POLG: variants seen among roughly 807,000 people sequenced by gnomAD.
POLG encodes the protein DNA polymerase gamma, catalytic subunit, also known as DNA polymerase subunit gamma-1.
A neutral mutation model predicts 155.4 loss-of-function variants in POLG; 110 were observed. The observed-to-expected ratio is 0.71, with a 90% CI of 0.61 to 0.83. The LOEUF is 0.83. POLG is among the 40% of genes least tolerant of loss of function. The pLI is 0.00. For missense variants in POLG, 1,685 were observed against 1,627.5 expected (o/e 1.04, Z -0.61); for synonymous variants, 701 against 631.5 (o/e 1.11, Z -1.65).
rs2152062371 is a variant in POLG, at chr15:89,322,791, C to T, written c.2377G>A (p.Glu793Lys). The T allele has an allele frequency of 1.9e-6, 3 of 1,614,180 alleles. No homozygotes were observed. The highest frequency in any genetic ancestry group is 2.5e-6 in the Non-Finnish European group (3 of 1,180,026). The change falls in exon 14 of 23, where the codon GAA becomes AAA. Residue 793 changes from glutamate (E) to lysine (K), a missense_variant. Physicochemically the swap from Glu to Lys is moderately conservative, Grantham distance 56 (BLOSUM62 1). Around this residue, in one of 3 missense-constraint regions of POLG, gnomAD observed 1,210 missense variants for 1,167.1 expected, o/e 1.04. Coordinates refer to ENST00000268124, the MANE Select transcript of POLG (RefSeq NM_002693.3). ...PGGASGPRAL[E>K]INKMISFWRN... is the part of the protein sequence containing the mutation. ...CAGAAAGAAATCATTTTGTTGATTT[C>T]CAGAGCACGGGGCCCACTGGCACCT...
rs1307501798 is a variant in POLG at position 89,327,190 on chromosome 15, G to A, written c.1410C>T (p.Ala470=). 1.2e-6 allele frequency: 2 copies of A among 1,614,234 alleles called. No individual in the cohort carries two copies. Among genetic ancestry groups the A allele is most frequent in the Admixed American group, 1.7e-5 (1 of 60,024 alleles). The change falls in exon 7 of 23, where the codon GCC becomes GCT. Residue 470 remains alanine (A), a synonymous_variant. Transcript: ENST00000268124. ...ACCTCTCTCCTGAGAGCAGCTGGCA[G>A]GCATCATTGGCCAGATCCATCAACG... ...KKSLMDLAND[A]CQLLSGERYK... is the part of the protein sequence containing the mutation.
intron 10 of POLG, among the ~76,000 whole-genome samples, chr15:89,324,494 A>G (rs538627282): frequency 1.1e-4 from 16 of 152,344 alleles, no homozygotes; most frequent in Admixed American, 6.5e-4. Context: ...TCTCAAGAGA[A>G]GTTCTGAGAG....
intron 13 of POLG, 81 bp downstream of exon 13, chr15:89,323,323 G>A (rs1339700772): frequency 2.4e-6 from 2 of 847,698 alleles, no homozygotes; most frequent in Non-Finnish European, 4.0e-6. Flanking sequence ...GAAAGTCTCA[G>A]GTGTGTCACT....
In POLG at chr15:89,320,832, C is replaced by G; in HGVS notation, c.2915G>C (p.Arg972Pro). 1 of 1,613,940 alleles carries G rather than the reference C, an allele frequency of 6.2e-7. No homozygotes were observed. Among genetic ancestry groups the G allele is most frequent in the Non-Finnish European group, 8.5e-7 (1 of 1,180,006 alleles). ...AERLLMQFNHRLTQQEAAEKA... is the reference protein window; with the variant it reads ...AERLLMQFNHPLTQQEAAEKA... The stretch of plus-strand genomic sequence containing the variant: ...CTCAGCTGCCTCCTGCTGTGTGAGC[C>G]GGTGGTTAAACTGCATTAGTAAGCG... The change falls in exon 18 of 23, where the codon CGG (arginine) becomes CCG (proline). Residue 972 changes from arginine (R) to proline (P), a missense_variant. Arg to Pro is a moderately radical substitution (Grantham distance 103). Transcript: ENST00000268124.
chr15:89,323,564 A>G, intron 12 of POLG, 53 bp from the exon 13 acceptor site: 1 of 1,181,516 alleles, frequency 8.5e-7, no homozygotes, highest in South Asian at 1.2e-5. Flanking sequence ...TGCATTCAGC[A>G]AGGGCCATGG....
At position 89,328,463 on chromosome 15, in the gene POLG, A is replaced by G; in HGVS notation, c.1243T>C (p.Leu415=). ...EVFQQQLPLF[L]ERCPHPVTLA... ...ACATGGGCTCCCCCTCACCTCTCCA[A>G]GAAGAGCGGTAGCTGCTGCTGGAAA... Residue 415 remains leucine (L), a synonymous_variant, in exon 6 of 23, where the codon TTG becomes CTG. Coordinates refer to ENST00000268124, the MANE Select transcript of POLG (RefSeq NM_002693.3). 1.2e-6 allele frequency: 2 copies of G among 1,613,002 alleles called. No individual in the cohort carries two copies. The highest frequency in any genetic ancestry group is 1.7e-6 in the Non-Finnish European group (2 of 1,179,226).
In POLG at chr15:89,319,204, C is replaced by T. The variant is rs201483942; in HGVS notation, c.3104+24G>A. Reference sequence around the variant, plus strand: ...GGCAAGCCCAGACCCCTCCCTCCATCCTTAACACAAAGAAGGTTCTTACTT... The same window carrying T: ...GGCAAGCCCAGACCCCTCCCTCCATTCTTAACACAAAGAAGGTTCTTACTT... On this transcript the variant is annotated intron_variant, in intron 19 of 22. Transcript: ENST00000268124. 1.9e-6 allele frequency: 3 copies of T among 1,614,194 alleles called. No individual in the cohort carries two copies. The South Asian group carries it at 3.3e-5, about 18-fold the overall frequency.
Position 89,328,697 on chromosome 15 carries a change from A to G in POLG, c.1158T>C (p.Arg386=), listed in dbSNP as rs1460617359. 1 of 1,612,556 alleles carries G rather than the reference A, an allele frequency of 6.2e-7. No homozygotes were observed. The highest frequency in any genetic ancestry group is 1.7e-5 in the Admixed American group (1 of 60,026). The change falls in exon 5 of 23, where the codon CGT becomes CGC. Residue 386 remains arginine, a synonymous_variant. Transcript: ENST00000268124. The stretch of plus-strand genomic sequence containing the variant: ...TCCAGCACCATACCTGGAAGTTCTC[A>G]CGAATGTCCTTCATGGTGCCCTTCA... The part of the protein sequence containing the change: ...LFVKGTMKDI[R]ENFQDLMQYC...
rs142991411 is a variant in POLG at position 89,317,880 on chromosome 15, G to C, written c.3483-344C>G. On this transcript the variant is annotated intron_variant, in intron 21 of 22. Coordinates refer to ENST00000268124, the MANE Select transcript of POLG (RefSeq NM_002693.3). ...GCTTTGTTAAGCATAACCTCCCGGA[G>C]ATGATGATTAAGAGGGCAATGGGAA... 1.4e-4 allele frequency: 53 copies of C among 369,282 alleles called. No homozygotes were observed. In the East Asian group the frequency reaches 3.3e-3, roughly 23 times the overall value. The allele number at this position is 369,282 out of a possible 1,614,324, so 22.9% of individuals were successfully genotyped here. A position where few individuals can be genotyped will look rare whatever the true frequency, so the allele number is the denominator to read the frequency against.
At chr15:89,318,467 T>C in intron 21 of POLG, 74 bp downstream of exon 21, 1 of 1,232,070 alleles carries the variant, frequency 8.1e-7, no homozygotes, top group Non-Finnish European at 1.2e-6. Context: ...CTGACCAGTC[T>C]GGCCCAAGGA....
intron 1 of POLG, chr15:89,334,444 G>GACCCAC (rs1030078281): frequency 6.6e-6 from 1 of 152,396 alleles, no homozygotes; most frequent in South Asian, 2.1e-4. Context: ...CGTCCCCCGG[G>GACCCAC]ACCCACACCC....
Position 89,320,883 on chromosome 15 carries a change from T to C in POLG, c.2864A>G (p.Tyr955Cys), listed in dbSNP as rs113994099. 6.2e-7 allele frequency: 1 copy of C among 1,613,974 alleles called. No individual in the cohort carries two copies. Among genetic ancestry groups the C allele is most frequent in the Non-Finnish European group, 8.5e-7 (1 of 1,180,030 alleles). The change falls in exon 18 of 23, where the codon TAT becomes TGT. Residue 955 changes from tyrosine to cysteine, a missense_variant. Tyr to Cys is a radical substitution (Grantham distance 194, BLOSUM62 -2). Coordinates refer to ENST00000268124, the MANE Select transcript of POLG (RefSeq NM_002693.3). ...CTCAGCAAAGGGCTGCCCAGCACCA[T>C]AGATGCGGCCGTAGTTGAAGATTTT... is the stretch of plus-strand genomic sequence containing the variant. ...HAKIFNYGRI[Y>C]GAGQPFAERL...
rs202244328 is a variant in POLG at position 89,324,126 on chromosome 15, T to C, written c.2051A>G (p.Asn684Ser). The C allele has an allele frequency of 1.7e-5, 27 of 1,614,092 alleles. No individual in the cohort carries two copies. The African/African-American group carries it at 1.7e-4, about 10-fold the overall frequency. Reference sequence around the variant, plus strand: ...CCTCACCGTTTGCCATATGGCACTATTGTCAGTGAGCAGGAACTCCTCCGC... The same window carrying C: ...CCTCACCGTTTGCCATATGGCACTACTGTCAGTGAGCAGGAACTCCTCCGC... ...GLAEEFLLTD[N>S]SAIWQTVEEL... The change falls in exon 11 of 23, where the codon AAT becomes AGT. Residue 684 changes from asparagine (N) to serine (S), a missense_variant. Physicochemically the swap from Asn to Ser is conservative, Grantham distance 46 (BLOSUM62 1). Around this residue, in one of 3 missense-constraint regions of POLG, gnomAD observed 1,210 missense variants for 1,167.1 expected, o/e 1.04. Coordinates refer to ENST00000268124, the MANE Select transcript of POLG (RefSeq NM_002693.3).
In POLG at chr15:89,318,698, A is replaced by C. The variant is rs796052912; in HGVS notation, c.3325T>G (p.Leu1109Val). The change falls in exon 21 of 23, where the codon TTA (leucine) becomes GTA (valine). Residue 1109 changes from leucine to valine, a missense_variant. Transcript: ENST00000268124. ...TTCATGGCCACAAGCATGAGGTGTA[A>C]GTAGTCAACAGCAGAGCTCTGTACC... ...WVVQSSAVDY[L>V]HLMLVAMKWL... 1 of 1,614,228 alleles carries C rather than the reference A, an allele frequency of 6.2e-7. No individual in the cohort carries two copies. The highest frequency in any genetic ancestry group is 1.7e-5 in the Admixed American group (1 of 60,030).
chr15:89,326,066 C>T (rs1240974911), intron 9 of POLG, among the ~76,000 whole-genome samples: 1 of 152,168 alleles, frequency 6.6e-6, no homozygotes, highest in Non-Finnish European at 1.5e-5. Flanking sequence ...TGCTCTCTTG[C>T]AGGCTGTTCA....
At chr15:89,322,996 C>A in intron 13 of POLG, 94 bp from the exon 14 acceptor site, 1 of 1,269,906 alleles carries the variant, frequency 7.9e-7, no homozygotes, top group Non-Finnish European at 1.1e-6. Context: ...CAACACTGAG[C>A]CCAGAACCTC....
intron 22 of POLG, 159 bp from the exon 23 acceptor site, chr15:89,316,986 C>CT: frequency 6.0e-6 from 4 of 667,684 alleles, no homozygotes; most frequent in Non-Finnish European, 8.1e-6. Context: ...GGTCTGTTTT[C>CT]TTTTTATATA....
Position 89,333,587 on chromosome 15 carries a change from A to AGGCTGCTGT in POLG, c.159_167dup (p.Gln58_Gln60dup), listed in dbSNP as rs776709929. ...CCGAGGATAGCACTTGCGGCTGCTG[A>AGGCTGCTGT]GGCTGCTGTTGCTGCTGCTGCTGCT... On this transcript the variant is annotated inframe_insertion, in exon 2 of 23. Coordinates refer to ENST00000268124, the MANE Select transcript of POLG (RefSeq NM_002693.3). 1.2e-6 allele frequency: 2 copies of AGGCTGCTGT among 1,605,880 alleles called. No individual in the cohort carries two copies. The highest frequency in any genetic ancestry group is 1.7e-6 in the Non-Finnish European group (2 of 1,177,058).
chr15:89,330,172 C>A lies in POLG; in HGVS notation c.764G>T (p.Ser255Ile). The A allele has an allele frequency of 6.2e-7, 1 of 1,613,978 alleles. No individual in the cohort carries two copies. Among genetic ancestry groups the A allele is most frequent in the Non-Finnish European group, 8.5e-7 (1 of 1,179,994 alleles). Residue 255 changes from serine (S) to isoleucine (I), a missense_variant, in exon 3 of 23, where the codon AGC (serine) becomes ATC (isoleucine). Physicochemically the swap from Ser to Ile is moderately radical, Grantham distance 142. Around this residue, in one of 3 missense-constraint regions of POLG, gnomAD observed 1,210 missense variants for 1,167.1 expected, o/e 1.04. Coordinates refer to ENST00000268124, the MANE Select transcript of POLG (RefSeq NM_002693.3). ...IPLEVPTGAS[S>I]PTQRDWQEQL... ...CTCCTGCCAGTCTCTCTGGGTGGGG[C>A]TGCTGGCACCAGTAGGGACCTCCAG...
Sources: gnomAD v4.1 joint callset for allele counts (sites outside exome capture counted in the v4.1 genomes callset) on GRCh38, gnomAD v4.1.1 for gene constraint, gnomAD v4.1.1 regional missense constraint, MANE v1.5 for transcripts, NCBI Gene and HGNC (gene_info 2026-07-23, HGNC 2026-07-21) for gene names.